Variants in NOS1AP observed in about 807,000 individuals in gnomAD.
NOS1AP encodes the protein carboxyl-terminal PDZ ligand of neuronal nitric oxide synthase protein.
NOS1AP carries 21 observed loss-of-function variants against 56.2 expected under a neutral mutation model. The ratio of observed to expected loss-of-function variants is 0.37; its 90% CI spans 0.26 to 0.54. The LOEUF (loss-of-function observed/expected upper bound fraction) is 0.54. NOS1AP is among the 20% of genes least tolerant of loss of function. NOS1AP has a pLI of 0.84. For missense variants in NOS1AP, 522 were observed against 657.8 expected (o/e 0.79, Z 2.26); for synonymous variants, 270 against 274.6 (o/e 0.98, Z 0.17).
chr1:162,075,195 C>T (rs1182479398), intron 1 of NOS1AP, among the ~76,000 whole-genome samples: 1 of 152,132 alleles, frequency 6.6e-6, no homozygotes, highest in Non-Finnish European at 1.5e-5. Context: ...CTTGGTGTAT[C>T]TCCCCCTCCC....
chr1:162,282,164 T>C (rs997737128), intron 2 of NOS1AP, among the ~76,000 whole-genome samples: 2 of 152,198 alleles, frequency 1.3e-5, no homozygotes, highest in East Asian at 1.9e-4. Flanking sequence ...TAAATATATT[T>C]ACATTGCTGT....
intron 4 of NOS1AP, among the ~76,000 whole-genome samples, chr1:162,316,182 T>G (rs987003933): frequency 9.9e-5 from 15 of 152,178 alleles, no homozygotes; most frequent in Admixed American, 8.5e-4. Flanking sequence ...AGCCCATATG[T>G]GAAGGTATTT....
chr1:162,308,370 T>C (rs2101763318), intron 4 of NOS1AP, among the ~76,000 whole-genome samples: 1 of 152,266 alleles, frequency 6.6e-6, no homozygotes. Context: ...ATGTGATGTC[T>C]ACATCAGGAG....
chr1:162,217,062 G>A (rs1017093674), intron 2 of NOS1AP, among the ~76,000 whole-genome samples: 7 of 152,138 alleles, frequency 4.6e-5, no homozygotes, highest in Admixed American at 3.9e-4. Context: ...ACTTGGAGAG[G>A]AGCAAGGGCG....
chr1:162,177,484 T>C (rs1262294144), intron 2 of NOS1AP, among the ~76,000 whole-genome samples: 1 of 152,130 alleles, frequency 6.6e-6, no homozygotes, highest in Non-Finnish European at 1.5e-5. Flanking sequence ...GCCACTGGCA[T>C]GAAGGGAACC....
At chr1:162,100,616 G>T (rs1443644646) in intron 1 of NOS1AP, among the ~76,000 whole-genome samples, 1 of 148,552 alleles carries the variant, frequency 6.7e-6, no homozygotes, top group Non-Finnish European at 1.5e-5. Flanking sequence ...TTCTTTTGCT[G>T]TGCAGAAGCT....
intron 1 of NOS1AP, among the ~76,000 whole-genome samples, chr1:162,096,490 T>A (rs1692243419): frequency 6.6e-6 from 1 of 152,154 alleles, no homozygotes; most frequent in Admixed American, 6.5e-5. Context: ...GCCACCCAGA[T>A]TAAAGAAAAA....
At chr1:162,267,928 CAG>C (rs2101715052) in intron 2 of NOS1AP, among the ~76,000 whole-genome samples, 1 of 152,132 alleles carries the variant, frequency 6.6e-6, no homozygotes, top group East Asian at 1.9e-4. Context: ...TTAGAAGTAC[CAG>C]TTGTTGCAGA....
intron 3 of NOS1AP, 21 bp downstream of exon 3, chr1:162,287,457 A>T: frequency 6.5e-7 from 1 of 1,530,054 alleles, no homozygotes; most frequent in Non-Finnish European, 9.1e-7. Context: ...CTGAACCAGA[A>T]TCTGAGGTGA....
chr1:162,206,387 C>T (rs943266867), intron 2 of NOS1AP, among the ~76,000 whole-genome samples: 1 of 152,236 alleles, frequency 6.6e-6, no homozygotes, highest in African/African-American at 2.4e-5. Flanking sequence ...CAAGCTACAT[C>T]TGCAAGTCAA....
intron 2 of NOS1AP, among the ~76,000 whole-genome samples, chr1:162,229,451 A>C (rs1006147716): frequency 3.3e-5 from 5 of 152,026 alleles, no homozygotes; most frequent in African/African-American, 4.8e-5. Context: ...TTTTATTTTT[A>C]ATTATTTGCT....
At chr1:162,191,194 G>A (rs1474172441) in intron 2 of NOS1AP, among the ~76,000 whole-genome samples, 1 of 152,126 alleles carries the variant, frequency 6.6e-6, no homozygotes, top group African/African-American at 2.4e-5. Flanking sequence ...ATTTTTCTCA[G>A]TGTGCCCCAT....
intron 2 of NOS1AP, among the ~76,000 whole-genome samples, chr1:162,194,720 C>A (rs759722600): frequency 6.6e-6 from 1 of 152,150 alleles, no homozygotes; most frequent in Non-Finnish European, 1.5e-5. Flanking sequence ...GACAGTGTCT[C>A]GCCAACAGCC....
At chr1:162,355,067 A>G in intron 6 of NOS1AP, 120 bp from the exon 7 acceptor site, 2 of 1,080,526 alleles carry the variant, frequency 1.9e-6, no homozygotes. Context: ...ATGTGTGAAA[A>G]TGTTACAAAG....
intron 1 of NOS1AP, among the ~76,000 whole-genome samples, chr1:162,080,448 C>T (rs74127547): frequency 3.6e-4 from 55 of 152,198 alleles, no homozygotes; most frequent in African/African-American, 1.1e-3. Flanking sequence ...AAATGAGCAG[C>T]GTTGAGTATT....
chr1:162,140,644 T>C (rs772280246), intron 1 of NOS1AP, among the ~76,000 whole-genome samples: 4 of 152,180 alleles, frequency 2.6e-5, no homozygotes, highest in Non-Finnish European at 5.9e-5. Flanking sequence ...AATGATTTAT[T>C]TTCCTTTGGG....
intron 2 of NOS1AP, among the ~76,000 whole-genome samples, chr1:162,195,939 A>G (rs1277768526): frequency 6.6e-6 from 1 of 152,222 alleles, no homozygotes; most frequent in Admixed American, 6.5e-5. Context: ...GGGGCCAGGT[A>G]CATAATTGGC....
chr1:162,349,584 T>C (rs577340771), intron 6 of NOS1AP, among the ~76,000 whole-genome samples: 92 of 152,342 alleles, frequency 6.0e-4, no homozygotes, highest in East Asian at 1.9e-4. Flanking sequence ...CTCATCTCTC[T>C]GGTATTGTGA....
At chr1:162,329,877 A>C (rs1557880484) in intron 4 of NOS1AP, among the ~76,000 whole-genome samples, 1 of 152,252 alleles carries the variant, frequency 6.6e-6, no homozygotes, top group South Asian at 2.1e-4. Context: ...ATTTACTTTT[A>C]ATAACAACAC....
Sources: allele counts gnomAD v4.1 joint callset (sites outside exome capture counted in the v4.1 genomes callset), GRCh38; gene constraint gnomAD v4.1.1; transcripts MANE v1.5; gene names NCBI Gene and HGNC (gene_info 2026-07-23, HGNC 2026-07-21).